The following DNM3 variants were observed in gnomAD, a reference collection of about 807,000 sequenced individuals.
The protein encoded by DNM3 is dynamin-3.
A neutral mutation model predicts 101.6 loss-of-function variants in DNM3; 47 were observed. The ratio of observed to expected loss-of-function variants is 0.46; its 90% CI spans 0.37 to 0.59. The LOEUF (loss-of-function observed/expected upper bound fraction) is 0.59. DNM3 is among the 20% of genes least tolerant of loss of function. The probability of loss-of-function intolerance (pLI) is 0.00; values close to 1 mark genes in which losing one functional copy is unlikely to be tolerated. For synonymous variants in DNM3, 385 were observed against 387.9 expected (o/e 0.99, Z 0.09); for missense variants, 849 against 1,085.7 (o/e 0.78, Z 3.06).
At chr1:171,866,555 A>T (rs942443036) in intron 1 of DNM3, among the ~76,000 whole-genome samples, 1 of 152,120 alleles carries the variant, frequency 6.6e-6, no homozygotes, top group Non-Finnish European at 1.5e-5. Flanking sequence ...GAGGATAATT[A>T]TCCTTTCCCT....
At chr1:171,992,563 A>C (rs2045707012) in intron 4 of DNM3, among the ~76,000 whole-genome samples, 1 of 152,112 alleles carries the variant, frequency 6.6e-6, no homozygotes, top group South Asian at 2.1e-4. Context: ...AGAAATTGTC[A>C]TGTAAATGTT....
intron 14 of DNM3, among the ~76,000 whole-genome samples, chr1:172,218,794 A>C (rs1313637173): frequency 6.6e-6 from 1 of 152,060 alleles, no homozygotes; most frequent in Non-Finnish European, 1.5e-5. Context: ...AAAGTGGTTA[A>C]GTTGAGAAGT....
intron 14 of DNM3, among the ~76,000 whole-genome samples, chr1:172,147,389 T>C (rs908433295): frequency 4.6e-5 from 7 of 152,172 alleles, no homozygotes; most frequent in African/African-American, 1.7e-4. Context: ...AGGTTGGACA[T>C]GACAAATCCT....
rs1463264330 is a variant in DNM3, at chr1:172,410,933, T to C, written c.*3092T>C. ...ATGTTTTCTGTGTACAAACACATTT[T>C]CTATGCATGTGTCTCTGTGTATATG... On this transcript the variant is annotated 3_prime_UTR_variant, in exon 21 of 21. Coordinates refer to ENST00000627582, the MANE Select transcript of DNM3 (RefSeq NM_015569.5). The C allele has an allele frequency of 1.0e-6, 1 of 985,182 alleles. No homozygotes were observed. The highest frequency in any genetic ancestry group is 1.2e-6 in the Non-Finnish European group (1 of 829,830). 61.0% of individuals were successfully genotyped at this position (985,182 alleles called of 1,614,324 possible). A position where few individuals can be genotyped will look rare whatever the true frequency, so the allele number is the denominator to read the frequency against.
chr1:172,053,695 A>G (rs2050370273), intron 10 of DNM3, among the ~76,000 whole-genome samples: 1 of 152,176 alleles, frequency 6.6e-6, no homozygotes, highest in African/African-American at 2.4e-5. Context: ...TTAAAATAGT[A>G]TTTTAGCCAT....
intron 15 of DNM3, among the ~76,000 whole-genome samples, chr1:172,256,681 T>G (rs547740708): frequency 2.1e-4 from 32 of 151,978 alleles, no homozygotes; most frequent in Non-Finnish European, 3.4e-4. Context: ...TAATTTCTGT[T>G]CTCTTAATTA....
intron 13 of DNM3, among the ~76,000 whole-genome samples, chr1:172,120,776 T>C (rs906771945): frequency 5.3e-5 from 8 of 152,218 alleles, no homozygotes; most frequent in Admixed American, 4.6e-4. Flanking sequence ...TAACTTTACA[T>C]TTATCTGTGT....
At chr1:172,158,962 C>T (rs938892844) in intron 14 of DNM3, among the ~76,000 whole-genome samples, 1 of 152,022 alleles carries the variant, frequency 6.6e-6, no homozygotes, top group Non-Finnish European at 1.5e-5. Flanking sequence ...TTGTTCTCTT[C>T]TTTCTGCACA....
Position 172,410,728 on chromosome 1 carries a change from C to A in DNM3, c.*2887C>A, listed in dbSNP as rs1354741784. The A allele has an allele frequency of 1.0e-6, 1 of 985,280 alleles. No homozygotes were observed. Among genetic ancestry groups the A allele is most frequent in the East Asian group, 1.1e-4 (1 of 8,820 alleles). The allele number at this position is 985,280 out of a possible 1,614,324, so 61.0% of individuals were successfully genotyped here. A position where few individuals can be genotyped will look rare whatever the true frequency, so the allele number is the denominator to read the frequency against. On this transcript the variant is annotated 3_prime_UTR_variant, in exon 21 of 21. Coordinates refer to ENST00000627582, the MANE Select transcript of DNM3 (RefSeq NM_015569.5). Reference sequence around the variant, plus strand: ...AGCAAATTTCCTATTTGTTCCAATACAAACTCACTTTATTCTAAAGTATAT... The same window carrying A: ...AGCAAATTTCCTATTTGTTCCAATAAAAACTCACTTTATTCTAAAGTATAT...
chr1:171,941,650 C>G (rs989263831), intron 2 of DNM3, among the ~76,000 whole-genome samples: 1 of 152,190 alleles, frequency 6.6e-6, no homozygotes, highest in Non-Finnish European at 1.5e-5. Context: ...ATGTTTGCTT[C>G]TCAAGGGCAG....
At chr1:172,119,665 G>A (rs1164071971) in intron 13 of DNM3, among the ~76,000 whole-genome samples, 1 of 151,964 alleles carries the variant, frequency 6.6e-6, no homozygotes, top group South Asian at 2.1e-4. Context: ...TCACAAATTT[G>A]CACATCTGAT....
At chr1:172,197,932 C>T (rs2060013413) in intron 14 of DNM3, among the ~76,000 whole-genome samples, 1 of 152,120 alleles carries the variant, frequency 6.6e-6, no homozygotes, top group Non-Finnish European at 1.5e-5. Flanking sequence ...CTGGCTAGGA[C>T]TTCCAATACT....
At chr1:171,935,530 G>A (rs896006257) in intron 2 of DNM3, among the ~76,000 whole-genome samples, 1 of 152,182 alleles carries the variant, frequency 6.6e-6, no homozygotes, top group East Asian at 1.9e-4. Flanking sequence ...GGTCTTGGGT[G>A]ATGACTGCAG....
chr1:171,896,800 C>T (rs182299868), intron 1 of DNM3, among the ~76,000 whole-genome samples: 124 of 152,164 alleles, frequency 8.1e-4, no homozygotes, highest in Non-Finnish European at 1.2e-3. Flanking sequence ...CAAATATGTA[C>T]GCTTTCAAAG....
intron 14 of DNM3, among the ~76,000 whole-genome samples, chr1:172,149,349 C>T (rs374271977): frequency 7.9e-5 from 12 of 152,124 alleles, no homozygotes; most frequent in African/African-American, 2.9e-4. Context: ...ATACATCCAG[C>T]AGACAAACCT....
intron 4 of DNM3, among the ~76,000 whole-genome samples, chr1:172,008,176 C>T (rs1473587033): frequency 2.0e-5 from 3 of 151,162 alleles, no homozygotes; most frequent in African/African-American, 7.3e-5. Flanking sequence ...TCTGTTGTTT[C>T]CTCCGGTATG....
At chr1:172,185,913 A>G (rs2059506033) in intron 14 of DNM3, among the ~76,000 whole-genome samples, 1 of 152,124 alleles carries the variant, frequency 6.6e-6, no homozygotes, top group African/African-American at 2.4e-5. Context: ...ATCCTCAAAT[A>G]AAAATTGTTT....
chr1:172,408,345 A>C lies in DNM3; in HGVS notation c.*504A>C. ...CCTCTTTTCTTCCTTTTTATTTCAT[A>C]AGACTGCTAGGAAGTGATTTTTTAA... is the stretch of plus-strand genomic sequence containing the variant. On this transcript the variant is annotated 3_prime_UTR_variant, in exon 21 of 21. Coordinates refer to ENST00000627582, the MANE Select transcript of DNM3 (RefSeq NM_015569.5). 1 of 986,642 alleles carries C rather than the reference A, an allele frequency of 1.0e-6. No individual in the cohort carries two copies. The highest frequency in any genetic ancestry group is 1.2e-6 in the Non-Finnish European group (1 of 830,724). The allele number at this position is 986,642 out of a possible 1,614,324, so 61.1% of individuals were successfully genotyped here.
In DNM3 at chr1:172,038,382, C is replaced by T. The variant is rs1200444857; in HGVS notation, c.913C>T (p.Leu305Phe). The T allele has an allele frequency of 6.2e-7, 1 of 1,613,470 alleles. No homozygotes were observed. The highest frequency in any genetic ancestry group is 1.1e-5 in the South Asian group (1 of 91,076). The change falls in exon 7 of 21, where the codon CTC becomes TTC. Residue 305 changes from leucine to phenylalanine, a missense_variant. Physicochemically the swap from Leu to Phe is conservative, Grantham distance 22 (BLOSUM62 0). Transcript: ENST00000627582. ...CAGGAACAAACTACAGGGACAGTTGCTCTCCATAGAACATGAAGTAGAAGC... is the reference window on the plus strand; with the variant it reads ...CAGGAACAAACTACAGGGACAGTTGTTCTCCATAGAACATGAAGTAGAAGC... The part of the protein sequence containing the change: ...NFRNKLQGQL[L>F]SIEHEVEAYK...
Sources: allele counts gnomAD v4.1 joint callset (sites outside exome capture counted in the v4.1 genomes callset), GRCh38; gene constraint gnomAD v4.1.1; transcripts MANE v1.5; gene names NCBI Gene and HGNC (gene_info 2026-07-23, HGNC 2026-07-21).